Variants in SHBG observed in about 807,000 individuals in gnomAD.
The protein encoded by SHBG is sex hormone-binding globulin.
Under a neutral mutation model 41.9 loss-of-function variants are expected in SHBG, and 37 were observed. That is an observed-to-expected ratio of 0.88 (90% CI 0.68 to 1.16). The LOEUF is 1.16. SHBG is among the 50% of genes most tolerant of loss of function. SHBG has a pLI of 0.00. For synonymous variants in SHBG, 217 were observed against 205.8 expected, an observed-to-expected ratio of 1.05 and a Z score of -0.47; for missense variants, 466 against 499.9, an observed-to-expected ratio of 0.93 and a Z score of 0.65.
At chr17:7,628,185 T>G, upstream of SHBG, 1 of 456,428 alleles carries the variant, frequency 2.2e-6, no homozygotes. Context: ...TGAAAGCTGT[T>G]TCCTGCAGCT....
upstream of SHBG, chr17:7,627,658 C>T (rs2072260562): frequency 6.2e-7 from 1 of 1,613,666 alleles, no homozygotes; most frequent in African/African-American, 1.3e-5. This position sits in a 1 kb window ranked among gnomAD's most constrained non-coding sequence, Gnocchi z 4.8. Flanking sequence ...TGTCTGGGAC[C>T]AAAGTCCCAG....
intron 6 of SHBG, 161 bp downstream of exon 6, chr17:7,632,176 G>C: frequency 1.3e-6 from 1 of 792,412 alleles, no homozygotes; most frequent in South Asian, 1.6e-5. Context: ...GCCAGGCATG[G>C]TGGTGCTTGC....
chr17:7,620,638 G>GT (rs531425617), intron 1 of SHBG, among the ~76,000 whole-genome samples: 47 of 147,494 alleles, frequency 3.2e-4, no homozygotes, highest in Admixed American at 2.1e-3. Context: ...TTTTTTTTTT[G>GT]TTTTTTTGGG....
chr17:7,617,077 T>C (rs2072007511), intron 1 of SHBG, among the ~76,000 whole-genome samples: 1 of 152,080 alleles, frequency 6.6e-6, no homozygotes, highest in Non-Finnish European at 1.5e-5. Context: ...TTAGAGTAAA[T>C]GGTAATGCCA....
chr17:7,618,657 G>T (rs2072036037), intron 1 of SHBG, among the ~76,000 whole-genome samples: 1 of 151,980 alleles, frequency 6.6e-6, no homozygotes, highest in Non-Finnish European at 1.5e-5. Context: ...AGGCTTTTAA[G>T]TTCCCAACAA....
In SHBG at chr17:7,631,441, C is replaced by T. The variant is rs558839200; in HGVS notation, c.555+80C>T. 6.3e-6 allele frequency: 10 copies of T among 1,580,032 alleles called. No individual in the cohort carries two copies. The East Asian group carries it at 2.2e-4, about 35-fold the overall frequency. On this transcript the variant is annotated intron_variant, in intron 4 of 7. Transcript: ENST00000380450. ...GTGGCTGGCCGTGGGAATCTAAGTC[C>T]ACACTTTTAGGGAGAAGGGAAGGGT...
chr17:7,623,649 C>G (rs1206740097), upstream of SHBG, among the ~76,000 whole-genome samples: 1 of 152,028 alleles, frequency 6.6e-6, no homozygotes, highest in Non-Finnish European at 1.5e-5. Context: ...TTGCAGTGAC[C>G]GGGTTTTGCC....
intron 1 of SHBG, among the ~76,000 whole-genome samples, chr17:7,618,741 G>C (rs968786440): frequency 2.6e-5 from 4 of 152,184 alleles, no homozygotes; most frequent in Non-Finnish European, 5.9e-5. Flanking sequence ...AGGAAACACA[G>C]GTTCCAGGAA....
At chr17:7,627,764 C>T (rs1240781960), upstream of SHBG, 1 of 948,124 alleles carries the variant, frequency 1.1e-6, no homozygotes, top group Non-Finnish European at 1.7e-6. This position sits in a 1 kb window ranked among gnomAD's most constrained non-coding sequence, Gnocchi z 4.8. Flanking sequence ...GGGGGGACGG[C>T]GGGGTAGCCG....
At chr17:7,630,014 A>G, upstream of SHBG, 2 of 705,400 alleles carry the variant, frequency 2.8e-6, no homozygotes, top group Non-Finnish European at 5.1e-6. This position sits in a 1 kb window ranked among gnomAD's most constrained non-coding sequence, Gnocchi z 4.6. Flanking sequence ...GAGTCTTGTG[A>G]CTGGGCCCCT....
upstream of SHBG, chr17:7,626,583 C>T (rs200260918): frequency 4.0e-5 from 64 of 1,613,814 alleles, no homozygotes; most frequent in Admixed American, 6.7e-5. Flanking sequence ...GACGGCCAGG[C>T]GGAATTGGGA....
upstream of SHBG, chr17:7,627,900 C>T (rs1384748297): frequency 1.2e-5 from 7 of 605,386 alleles, no homozygotes; most frequent in African/African-American, 1.3e-4. This position sits in a 1 kb window ranked among gnomAD's most constrained non-coding sequence, Gnocchi z 4.8. Context: ...GCACAACTGT[C>T]AGCCAATCAG....
At chr17:7,627,759 G>T (rs764817192), upstream of SHBG, 79 of 1,093,660 alleles carry the variant, frequency 7.2e-5, no homozygotes, top group Non-Finnish European at 1.0e-4. The surrounding 1 kb of genome is among the most constrained non-coding windows in gnomAD (Gnocchi z 4.8). Context: ...AGTCGGGGGG[G>T]ACGGCGGGGT....
At chr17:7,615,110 T>G (rs1293281672) in intron 1 of SHBG, among the ~76,000 whole-genome samples, 1 of 152,012 alleles carries the variant, frequency 6.6e-6, no homozygotes, top group African/African-American at 2.4e-5. Flanking sequence ...CCACCCCGTC[T>G]CTTCCTTTCC....
chr17:7,631,621 G>T lies in SHBG; in HGVS notation c.588G>T (p.Arg196=), dbSNP rs763868901. The T allele has an allele frequency of 6.2e-6, 10 of 1,613,988 alleles. No homozygotes were observed. The highest frequency in any genetic ancestry group is 8.5e-6 in the Non-Finnish European group (10 of 1,180,040). ...LVPALDGCLR[R]DSWLDKQAEI... ...CTGCCCTGGATGGCTGCCTGCGCCG[G>T]GATTCCTGGCTGGACAAACAGGCCG... The change falls in exon 5 of 8, where the codon CGG becomes CGT. Residue 196 remains arginine, a synonymous_variant. Coordinates refer to ENST00000380450, the MANE Select transcript of SHBG (RefSeq NM_001040.5).
intron 4 of SHBG, 108 bp from the exon 5 acceptor site, chr17:7,631,481 G>A (rs2072411076): frequency 9.0e-6 from 14 of 1,559,268 alleles, no homozygotes; most frequent in Non-Finnish European, 1.2e-5. Context: ...AGCTGCAAGG[G>A]GGAGGCCAAA....
chr17:7,624,755 G>A (rs1160693499), upstream of SHBG, among the ~76,000 whole-genome samples: 2 of 151,940 alleles, frequency 1.3e-5, no homozygotes, highest in African/African-American at 2.4e-5. Flanking sequence ...GGGATCAAGC[G>A]ATTCTCATGC....
At chr17:7,632,081 G>A (rs931317516) in intron 6 of SHBG, 66 bp downstream of exon 6, 2 of 1,506,148 alleles carry the variant, frequency 1.3e-6, no homozygotes, top group East Asian at 2.3e-5. Context: ...GAAGAGGGGA[G>A]TCCAACATGT....
At position 7,614,170 on chromosome 17, in the gene SHBG, C is replaced by T. The variant is rs1331708572; in HGVS notation, c.-62+59C>T. On this transcript the variant is annotated intron_variant, in intron 1 of 5. Coordinates refer to the SHBG transcript ENST00000570547. ...TTAGAAGCTGGGTAAAGGGGTCTCT[C>T]CTGCGGAGCGGGGAGCGCCAAGCCA... 2.8e-5 allele frequency: 18 copies of T among 649,010 alleles called. No individual in the cohort carries two copies. In the East Asian group the frequency reaches 5.2e-4, roughly 19 times the overall value. 40.2% of individuals were successfully genotyped at this position (649,010 alleles called of 1,614,324 possible).
Sources: allele counts gnomAD v4.1 joint callset (sites outside exome capture counted in the v4.1 genomes callset), GRCh38; gene constraint gnomAD v4.1.1; non-coding constraint Gnocchi (gnomAD v3.1); transcripts MANE v1.5; gene names NCBI Gene and HGNC (gene_info 2026-07-23, HGNC 2026-07-21).